Variants in MAP2K5 observed in about 807,000 individuals in gnomAD.
MAP2K5 encodes dual specificity mitogen-activated protein kinase kinase 5.
In MAP2K5, 49 loss-of-function variants were observed where a neutral mutation model predicts 83.1. The observed-to-expected ratio is 0.59, with a 90% CI of 0.47 to 0.75. The LOEUF (loss-of-function observed/expected upper bound fraction) is 0.75. MAP2K5 is among the 30% of genes least tolerant of loss of function. The pLI is 0.00. For synonymous variants in MAP2K5, 202 were observed against 191.8 expected (o/e 1.05, Z -0.44); for missense variants, 457 against 557.5 (o/e 0.82, Z 1.82).
chr15:67,573,917 A>T lies in MAP2K5; in HGVS notation c.253-6837A>T, dbSNP rs1242816879. ...ATGGTTTTTTGCTTTGTTATTTTACATATAAACAAACATTGTACATAAGGT... is the reference window on the plus strand; with the variant it reads ...ATGGTTTTTTGCTTTGTTATTTTACTTATAAACAAACATTGTACATAAGGT... On this transcript the variant is annotated intron_variant, in intron 3 of 21. Transcript: ENST00000178640. This position sits in a 1 kb window ranked among gnomAD's most constrained non-coding sequence, Gnocchi z 4.2. 6.6e-6 allele frequency among the ~76,000 whole-genome samples: 1 copy of T among 152,212 alleles called. No homozygotes were observed. Among genetic ancestry groups the T allele is most frequent in the Non-Finnish European group, 1.5e-5 (1 of 68,036 alleles).
intron 14 of MAP2K5, among the ~76,000 whole-genome samples, chr15:67,693,119 C>T (rs1049036020): frequency 6.6e-6 from 1 of 152,200 alleles, no homozygotes; most frequent in African/African-American, 2.4e-5. Context: ...TGTTATCCCT[C>T]CAGCGTATTT....
At chr15:67,743,331 A>G (rs1228829529) in intron 17 of MAP2K5, among the ~76,000 whole-genome samples, 1 of 152,234 alleles carries the variant, frequency 6.6e-6, no homozygotes. Flanking sequence ...GTGAAAATAT[A>G]CTAATAGACC....
rs71142380 is a variant in MAP2K5, at chr15:67,569,005, C to CAAAAAA, written c.252+5664_252+5669dup. On this transcript the variant is annotated intron_variant, in intron 3 of 21. Transcript: ENST00000178640. Reference sequence around the variant, plus strand: ...TGGGCGACAGAGCAAGACTCCATCTCAAAAAAAAAAAAAACAAAAAAAAAA... The same window carrying CAAAAAA: ...TGGGCGACAGAGCAAGACTCCATCTCAAAAAAAAAAAAAAAAAAAACAAAAAAAAAA... 1.5e-3 allele frequency among the ~76,000 whole-genome samples: 138 copies of CAAAAAA among 91,150 alleles called. 1 individual carries two copies. The highest frequency in any genetic ancestry group is 2.7e-3 in the East Asian group (9 of 3,278). 59.8% of individuals were successfully genotyped at this position (91,150 alleles called of 152,430 possible).
At chr15:67,613,446 C>A (rs761548743) in intron 8 of MAP2K5, among the ~76,000 whole-genome samples, 17 of 152,252 alleles carry the variant, frequency 1.1e-4, no homozygotes, top group Middle Eastern at 3.4e-3. Context: ...GAAAGACCAG[C>A]TGTTTGGGAT....
chr15:67,683,698 G>A (rs1396216921), intron 13 of MAP2K5, among the ~76,000 whole-genome samples: 4 of 152,070 alleles, frequency 2.6e-5, no homozygotes, highest in African/African-American at 9.7e-5. Context: ...CATTGGAGGT[G>A]GCAGTGAGCC....
chr15:67,724,138 G>A lies in MAP2K5; in HGVS notation c.1045-3778G>A, dbSNP rs1170597522. Among the ~76,000 whole-genome samples the A allele has an allele frequency of 6.6e-6, 1 of 152,140 alleles. No individual in the cohort carries two copies. Among genetic ancestry groups the A allele is most frequent in the Admixed American group, 6.5e-5 (1 of 15,280 alleles). Reference sequence around the variant, plus strand: ...AAATCTGAAACACATTTAGTACAGTGACATATCTGCAGGCCATTTCAGAGA... The same window carrying A: ...AAATCTGAAACACATTTAGTACAGTAACATATCTGCAGGCCATTTCAGAGA... On this transcript the variant is annotated intron_variant, in intron 16 of 21. Transcript: ENST00000178640. This position sits in a 1 kb window ranked among gnomAD's most constrained non-coding sequence, Gnocchi z 4.4.
At chr15:67,792,165 T>C (rs2090529339) in intron 21 of MAP2K5, among the ~76,000 whole-genome samples, 1 of 152,022 alleles carries the variant, frequency 6.6e-6, no homozygotes. Context: ...TGTTGAAGGG[T>C]TGAGTTGGTC....
rs1026853487 is a variant in MAP2K5 at position 67,636,543 on chromosome 15, C to G, written c.585+5616C>G. ...TCCTCACTTTGGGTTGTATTTTTCA[C>G]TTTTTTTTCATATCTTATAATTTTT... On this transcript the variant is annotated intron_variant, in intron 9 of 21. Transcript: ENST00000178640. The surrounding 1 kb of genome is among the most constrained non-coding windows in gnomAD (Gnocchi z 4.7). 2.6e-5 allele frequency among the ~76,000 whole-genome samples: 4 copies of G among 151,470 alleles called. No individual in the cohort carries two copies. Among genetic ancestry groups the G allele is most frequent in the African/African-American group, 4.9e-5 (2 of 41,208 alleles).
intron 2 of MAP2K5, among the ~76,000 whole-genome samples, chr15:67,550,621 A>G (rs1434921138): frequency 2.0e-5 from 3 of 152,164 alleles, no homozygotes; most frequent in Non-Finnish European, 4.4e-5. Flanking sequence ...CTGTTTTGTC[A>G]TGAACCAGGT....
intron 15 of MAP2K5, among the ~76,000 whole-genome samples, chr15:67,694,378 T>C (rs1468586351): frequency 6.6e-6 from 1 of 152,184 alleles, no homozygotes; most frequent in African/African-American, 2.4e-5. Context: ...TCATCTCTAA[T>C]AGCCTTTGTT....
At chr15:67,671,232 TAAAAG>T (rs928276351) in intron 13 of MAP2K5, among the ~76,000 whole-genome samples, 1 of 151,912 alleles carries the variant, frequency 6.6e-6, no homozygotes, top group Non-Finnish European at 1.5e-5. Context: ...CAGAGAGACA[TAAAAG>T]AAAAGAAAGA....
chr15:67,599,127 G>C (rs764884167), intron 7 of MAP2K5, among the ~76,000 whole-genome samples: 3 of 152,030 alleles, frequency 2.0e-5, no homozygotes, highest in African/African-American at 7.2e-5. Context: ...TTATCATTCG[G>C]TCCAGAATAA....
At position 67,770,794 on chromosome 15, in the gene MAP2K5, T is replaced by C. The variant is rs1046336501; in HGVS notation, c.1196+1131T>C. 2.0e-5 allele frequency among the ~76,000 whole-genome samples: 3 copies of C among 152,212 alleles called. No homozygotes were observed. Among genetic ancestry groups the C allele is most frequent in the African/African-American group, 7.2e-5 (3 of 41,450 alleles). On this transcript the variant is annotated intron_variant, in intron 20 of 21. Transcript: ENST00000178640. The surrounding 1 kb of genome is among the most constrained non-coding windows in gnomAD (Gnocchi z 5.0). ...AAGCTTTATCACCTTTTTGACTAAG[T>C]GTAACATGTTACCTCTTAATAAAAA... is the stretch of plus-strand genomic sequence containing the variant.
chr15:67,622,221 A>G (rs1454466679), intron 8 of MAP2K5, among the ~76,000 whole-genome samples: 1 of 152,070 alleles, frequency 6.6e-6, no homozygotes, highest in Non-Finnish European at 1.5e-5. Context: ...TAGGAAAGTC[A>G]AAGAAACAAT....
chr15:67,767,197 A>G (rs2090056630), intron 19 of MAP2K5, among the ~76,000 whole-genome samples: 1 of 152,196 alleles, frequency 6.6e-6, no homozygotes, highest in Non-Finnish European at 1.5e-5. Flanking sequence ...TACCCATGCA[A>G]GATGTCACAT....
intron 7 of MAP2K5, 133 bp downstream of exon 7, chr15:67,593,107 T>G (rs1019966430): frequency 4.7e-6 from 3 of 632,332 alleles, no homozygotes; most frequent in Non-Finnish European, 8.2e-6. Flanking sequence ...TGGCTTAATT[T>G]GATTGGCAGA....
At chr15:67,784,974 GT>G (rs1318659008) in intron 21 of MAP2K5, among the ~76,000 whole-genome samples, 1 of 152,136 alleles carries the variant, frequency 6.6e-6, no homozygotes, top group Middle Eastern at 3.2e-3. Flanking sequence ...GGGTCTTACT[GT>G]GTCACCTAGG....
intron 1 of MAP2K5, among the ~76,000 whole-genome samples, chr15:67,544,591 T>C (rs1286800202): frequency 6.6e-6 from 1 of 152,196 alleles, no homozygotes; most frequent in East Asian, 1.9e-4. Context: ...CTTCTAATCT[T>C]TCTGGTATTC....
chr15:67,606,677 G>A (rs548776423), intron 8 of MAP2K5, among the ~76,000 whole-genome samples: 1 of 152,104 alleles, frequency 6.6e-6, no homozygotes, highest in South Asian at 2.1e-4. Flanking sequence ...TGACTGTAGA[G>A]GCCAACTAAA....
Sources: gnomAD v4.1 joint callset for allele counts (sites outside exome capture counted in the v4.1 genomes callset) on GRCh38, gnomAD v4.1.1 for gene constraint, Gnocchi (gnomAD v3.1) non-coding constraint, MANE v1.5 for transcripts, NCBI Gene and HGNC (gene_info 2026-07-23, HGNC 2026-07-21) for gene names.